The following UBAP2 variants were observed in gnomAD, a reference collection of about 807,000 sequenced individuals.
UBAP2 encodes ubiquitin associated protein 2.
UBAP2 carries 75 observed loss-of-function variants against 139.6 expected under a neutral mutation model. The observed-to-expected ratio is 0.54, with a 90% CI of 0.45 to 0.65. UBAP2 has a LOEUF of 0.65. Among genes scored for constraint, UBAP2 ranks in the 30% least tolerant of loss-of-function variants. UBAP2 has a pLI of 0.00. For missense variants in UBAP2, 1,368 were observed against 1,369.6 expected, an observed-to-expected ratio of 1.00 and a Z score of 0.02; for synonymous variants, 526 against 526.2, an observed-to-expected ratio of 1.00 and a Z score of 0.01.
At chr9:34,047,991 T>C (rs1396160474) in intron 1 of UBAP2, among the ~76,000 whole-genome samples, 1 of 152,142 alleles carries the variant, frequency 6.6e-6, no homozygotes, top group Admixed American at 6.6e-5. Flanking sequence ...ATAACAGTAA[T>C]AATGATGGGA....
intron 1 of UBAP2, among the ~76,000 whole-genome samples, chr9:34,032,038 G>A (rs1484222086): frequency 6.6e-6 from 1 of 151,938 alleles, no homozygotes; most frequent in African/African-American, 2.4e-5. Flanking sequence ...CCACCTCCTT[G>A]GGAGGCTGAG....
intron 4 of UBAP2, chr9:33,994,924 A>G (rs764369452): frequency 6.6e-6 from 1 of 152,190 alleles, no homozygotes; most frequent in Non-Finnish European, 1.5e-5. Context: ...CTTCAATTAA[A>G]TCTGAACACT....
At chr9:33,971,325 A>G (rs1827900524) in intron 8 of UBAP2, among the ~76,000 whole-genome samples, 1 of 152,214 alleles carries the variant, frequency 6.6e-6, no homozygotes, top group Admixed American at 6.5e-5. Context: ...AAGTACTTCC[A>G]GTAAAAAATC....
intron 1 of UBAP2, among the ~76,000 whole-genome samples, chr9:34,031,833 G>A (rs1825919374): frequency 6.6e-6 from 1 of 151,368 alleles, no homozygotes; most frequent in African/African-American, 2.4e-5. Context: ...TATTTCCTAT[G>A]TATTAACAAA....
At chr9:34,002,371 T>C (rs1030042992) in intron 2 of UBAP2, among the ~76,000 whole-genome samples, 4 of 133,830 alleles carry the variant, frequency 3.0e-5, no homozygotes, top group African/African-American at 1.1e-4. Flanking sequence ...ATCCACTGCA[T>C]AGGTGCTTTT....
At chr9:34,027,072 A>T (rs112202937) in intron 1 of UBAP2, among the ~76,000 whole-genome samples, 1 of 152,092 alleles carries the variant, frequency 6.6e-6, no homozygotes, top group African/African-American at 2.4e-5. Flanking sequence ...ATTTTTGTTT[A>T]ATTTCTAATC....
chr9:34,003,588 G>C (rs772149985), intron 2 of UBAP2, among the ~76,000 whole-genome samples: 16 of 151,842 alleles, frequency 1.1e-4, no homozygotes, highest in Non-Finnish European at 2.2e-4. Flanking sequence ...ACTATTTTTA[G>C]TACAGATGCG....
intron 16 of UBAP2, among the ~76,000 whole-genome samples, chr9:33,939,356 C>G (rs1421663428): frequency 1.3e-5 from 2 of 151,754 alleles, no homozygotes; most frequent in African/African-American, 4.8e-5. Flanking sequence ...CGCACTACCA[C>G]ATCAGGCTAA....
chr9:33,936,692 CA>C (rs1824553517), intron 16 of UBAP2, among the ~76,000 whole-genome samples: 1 of 151,926 alleles, frequency 6.6e-6, no homozygotes, highest in Non-Finnish European at 1.5e-5. Flanking sequence ...GAGACAATAC[CA>C]CTATAGATCT....
chr9:33,924,711 G>C (rs941685764), intron 22 of UBAP2, among the ~76,000 whole-genome samples: 19 of 152,164 alleles, frequency 1.2e-4, no homozygotes, highest in Admixed American at 3.3e-4. Context: ...AGGGGGGACA[G>C]GGGGCAGTGC....
chr9:33,937,188 CTA>C lies in UBAP2; in HGVS notation c.1930-1312_1930-1311del, dbSNP rs551704367. Reference sequence around the variant, plus strand: ...ATGGTAGCACATCAAGAACTAATGTCTAAAACCAGGATGGAAAATCAACAAGT... The same window carrying C: ...ATGGTAGCACATCAAGAACTAATGTCAAACCAGGATGGAAAATCAACAAGT... On this transcript the variant is annotated intron_variant, in intron 16 of 28. Coordinates refer to ENST00000379238, the MANE Select transcript of UBAP2 (RefSeq NM_001370062.2). 2.9e-3 allele frequency among the ~76,000 whole-genome samples: 444 copies of C among 150,968 alleles called. 2 individuals carry two copies. The highest frequency in any genetic ancestry group is 9.9e-3 in the African/African-American group (406 of 41,204).
At chr9:34,030,654 C>G (rs1247669628) in intron 1 of UBAP2, among the ~76,000 whole-genome samples, 2 of 151,970 alleles carry the variant, frequency 1.3e-5, no homozygotes. Flanking sequence ...GGGCCAGGCA[C>G]GGTGGCTCAC....
At chr9:33,926,309 A>G (rs1823423855) in intron 22 of UBAP2, among the ~76,000 whole-genome samples, 1 of 152,220 alleles carries the variant, frequency 6.6e-6, no homozygotes, top group African/African-American at 2.4e-5. Flanking sequence ...CTTTTTAAAA[A>G]AGAGAGAGAA....
intron 1 of UBAP2, among the ~76,000 whole-genome samples, chr9:34,043,954 C>A (rs887139328): frequency 6.6e-6 from 1 of 150,800 alleles, no homozygotes; most frequent in East Asian, 2.0e-4. Flanking sequence ...ATGACAAAAT[C>A]CTGTCTCTAC....
intron 2 of UBAP2, among the ~76,000 whole-genome samples, chr9:34,011,451 A>G (rs910956181): frequency 3.3e-5 from 5 of 152,210 alleles, no homozygotes; most frequent in African/African-American, 9.6e-5. Flanking sequence ...CAATAACAAT[A>G]TAGTAACACT....
intron 4 of UBAP2, chr9:33,995,017 G>A (rs1033612537): frequency 1.3e-5 from 2 of 152,174 alleles, no homozygotes; most frequent in East Asian, 3.9e-4. Context: ...TTTTAGGTGA[G>A]TCATTTTTTT....
chr9:34,000,431 A>G (rs180791686), intron 2 of UBAP2, among the ~76,000 whole-genome samples: 207 of 152,350 alleles, frequency 1.4e-3, no homozygotes, highest in Non-Finnish European at 2.6e-3. Flanking sequence ...GTAATGTGCC[A>G]GTCTGGTTTC....
At chr9:33,938,021 A>G (rs562169580) in intron 16 of UBAP2, among the ~76,000 whole-genome samples, 51 of 152,208 alleles carry the variant, frequency 3.4e-4, no homozygotes, top group African/African-American at 1.0e-3. Context: ...GTTTTGAGAC[A>G]GTGTCTGGCT....
intron 23 of UBAP2, 101 bp from the exon 24 acceptor site, chr9:33,924,101 C>G: frequency 1.3e-6 from 2 of 1,584,590 alleles, no homozygotes; most frequent in Non-Finnish European, 1.7e-6. Flanking sequence ...CAGCTCAGCA[C>G]AGGCTACTAA....
Sources: allele counts gnomAD v4.1 joint callset (sites outside exome capture counted in the v4.1 genomes callset), GRCh38; gene constraint gnomAD v4.1.1; transcripts MANE v1.5; gene names NCBI Gene and HGNC (gene_info 2026-07-23, HGNC 2026-07-21).